MAMDC2: variants seen among roughly 807,000 people sequenced by gnomAD.
The protein encoded by MAMDC2 is MAM domain-containing protein 2.
A neutral mutation model predicts 89.8 loss-of-function variants in MAMDC2; 57 were observed. The observed-to-expected ratio is 0.63, with a 90% CI of 0.51 to 0.79. The LOEUF (loss-of-function observed/expected upper bound fraction) is 0.79, where lower values mean the gene tolerates loss of function less well. Among genes scored for constraint, MAMDC2 ranks in the 30% least tolerant of loss-of-function variants. MAMDC2 has a pLI of 0.00. For synonymous variants in MAMDC2, 313 were observed against 293.4 expected (o/e 1.07, Z -0.68); for missense variants, 800 against 820.6 (o/e 0.97, Z 0.31).
chr9:70,196,909 C>CATCTTGATT (rs2118616531), intron 11 of MAMDC2, among the ~76,000 whole-genome samples: 1 of 152,136 alleles, frequency 6.6e-6, no homozygotes, highest in East Asian at 1.9e-4. Context: ...GGGTGACAGT[C>CATCTTGATT]ATCTTGATTA....
rs188957863 is a variant in MAMDC2 at position 70,048,656 on chromosome 9, T to A, written c.148+3959T>A. 2.0e-3 allele frequency among the ~76,000 whole-genome samples: 302 copies of A among 152,232 alleles called. 1 individual carries two copies. Among genetic ancestry groups the A allele is most frequent in the Non-Finnish European group, 3.4e-3 (233 of 68,012 alleles). On this transcript the variant is annotated intron_variant, in intron 2 of 13. Transcript: ENST00000377182. ...CCATTCATTTATCCTATAAAAAAAA[T>A]CATCTTTATTCACAGCTCAGAGGAT...
chr9:70,217,495 A>C, intron 11 of MAMDC2: 1 of 1,491,570 alleles, frequency 6.7e-7, no homozygotes, highest in African/African-American at 1.4e-5. Flanking sequence ...ACCTTAAGTT[A>C]GAAAGGCTCA....
intron 7 of MAMDC2, among the ~76,000 whole-genome samples, chr9:70,139,150 T>C (rs2031105451): frequency 6.6e-6 from 1 of 151,198 alleles, no homozygotes; most frequent in South Asian, 2.1e-4. Context: ...CTTTAAGTTT[T>C]AGGGTACATG....
chr9:70,097,765 A>G (rs1828066369), intron 2 of MAMDC2, among the ~76,000 whole-genome samples: 1 of 152,108 alleles, frequency 6.6e-6, no homozygotes, highest in East Asian at 1.9e-4. Flanking sequence ...GCTTCTGGGG[A>G]GATTTAGATG....
intron 7 of MAMDC2, among the ~76,000 whole-genome samples, chr9:70,138,772 T>C (rs2031093287): frequency 6.6e-6 from 1 of 152,270 alleles, no homozygotes; most frequent in Non-Finnish European, 1.5e-5. Context: ...GGGTAAATAA[T>C]ACCAGAACTC....
chr9:70,216,260 AGGT>A (rs2033443591), intron 11 of MAMDC2: 1 of 152,212 alleles, frequency 6.6e-6, no homozygotes, highest in Non-Finnish European at 1.5e-5. Context: ...ATCATAGACT[AGGT>A]GGTTTAAACA....
At chr9:70,170,453 T>C in intron 10 of MAMDC2, 26 bp from the exon 11 acceptor site, 2 of 1,587,246 alleles carry the variant, frequency 1.3e-6, no homozygotes, top group South Asian at 1.2e-5. Flanking sequence ...GTCTCAGTGA[T>C]TGCAACATCT....
chr9:70,209,723 T>C (rs1214146378), intron 11 of MAMDC2, among the ~76,000 whole-genome samples: 2 of 152,228 alleles, frequency 1.3e-5, no homozygotes, highest in African/African-American at 4.8e-5. Flanking sequence ...TTAATTGTGA[T>C]GTTAGGGTGT....
intron 11 of MAMDC2, among the ~76,000 whole-genome samples, chr9:70,175,382 A>G (rs946051843): frequency 6.6e-6 from 1 of 152,212 alleles, no homozygotes; most frequent in Non-Finnish European, 1.5e-5. Flanking sequence ...TTAGATGAGT[A>G]TAAGAGAAAG....
chr9:70,190,765 T>G (rs759147360), intron 11 of MAMDC2, among the ~76,000 whole-genome samples: 11 of 152,182 alleles, frequency 7.2e-5, no homozygotes, highest in Admixed American at 7.2e-4. Context: ...AACAATTAAC[T>G]GATTGTTTTT....
At chr9:70,197,622 T>C (rs2032998634) in intron 11 of MAMDC2, among the ~76,000 whole-genome samples, 1 of 152,114 alleles carries the variant, frequency 6.6e-6, no homozygotes, top group South Asian at 2.1e-4. Flanking sequence ...GTCACCGGTA[T>C]GATCAAAGGA....
At chr9:70,183,535 T>G (rs559208886) in intron 11 of MAMDC2, among the ~76,000 whole-genome samples, 100 of 152,266 alleles carry the variant, frequency 6.6e-4, no homozygotes, top group African/African-American at 2.4e-3. Flanking sequence ...CTCCTGTATT[T>G]GGTGCATATA....
intron 2 of MAMDC2, among the ~76,000 whole-genome samples, chr9:70,103,177 G>A (rs1402171825): frequency 6.6e-6 from 1 of 152,120 alleles, no homozygotes; most frequent in East Asian, 1.9e-4. Context: ...ATGTATTCAA[G>A]AAAAATGAAG....
intron 9 of MAMDC2, among the ~76,000 whole-genome samples, chr9:70,159,690 G>C (rs1032285090): frequency 3.3e-5 from 5 of 152,190 alleles, no homozygotes; most frequent in Non-Finnish European, 7.3e-5. Flanking sequence ...CAGGACTGAC[G>C]TTTTTGTAAC....
intron 11 of MAMDC2, among the ~76,000 whole-genome samples, chr9:70,203,207 C>A (rs1169177920): frequency 6.6e-6 from 1 of 152,122 alleles, no homozygotes; most frequent in Non-Finnish European, 1.5e-5. Context: ...TTGTTCCTTT[C>A]CATGTTTAGC....
chr9:70,142,229 G>C (rs2031248496), intron 8 of MAMDC2, among the ~76,000 whole-genome samples: 1 of 152,164 alleles, frequency 6.6e-6, no homozygotes, highest in Non-Finnish European at 1.5e-5. Flanking sequence ...GACCCAGGCA[G>C]AGGGAACAAC....
At chr9:70,161,460 A>C (rs1047828183) in intron 9 of MAMDC2, among the ~76,000 whole-genome samples, 3 of 152,222 alleles carry the variant, frequency 2.0e-5, no homozygotes, top group African/African-American at 7.2e-5. Context: ...TCAGCTAAAA[A>C]CTTATTTAAA....
chr9:70,150,804 T>A (rs1428651052), intron 9 of MAMDC2, among the ~76,000 whole-genome samples: 3 of 152,206 alleles, frequency 2.0e-5, no homozygotes, highest in African/African-American at 7.2e-5. Context: ...AATATCTTCG[T>A]AGCTGGATCT....
At chr9:70,107,317 T>C (rs1430049656) in intron 2 of MAMDC2, among the ~76,000 whole-genome samples, 1 of 151,464 alleles carries the variant, frequency 6.6e-6, no homozygotes, top group Non-Finnish European at 1.5e-5. Flanking sequence ...CTTGTCGATA[T>C]TAGGAGGGTA....
Sources: gnomAD v4.1 joint callset for allele counts (sites outside exome capture counted in the v4.1 genomes callset) on GRCh38, gnomAD v4.1.1 for gene constraint, MANE v1.5 for transcripts, NCBI Gene and HGNC (gene_info 2026-07-23, HGNC 2026-07-21) for gene names.